SUGCT: variants seen among roughly 807,000 people sequenced by gnomAD.
SUGCT encodes the protein succinyl-CoA:glutarate-CoA transferase.
A neutral mutation model predicts 55.0 loss-of-function variants in SUGCT; 41 were observed. The observed-to-expected ratio is 0.74, with a 90% CI of 0.58 to 0.97. SUGCT has a LOEUF of 0.97. Among genes scored for constraint, SUGCT ranks in the 50% least tolerant of loss-of-function variants. The probability of loss-of-function intolerance (pLI) is 0.00; values close to 1 mark genes in which losing one functional copy is unlikely to be tolerated. For missense variants in SUGCT, 568 were observed against 547.8 expected (o/e 1.04, Z -0.37); for synonymous variants, 187 against 200.4 (o/e 0.93, Z 0.56).
chr7:40,929,656 T>A, the SUGCT span, among the ~76,000 whole-genome samples: 2 of 152,244 alleles, frequency 1.3e-5, no homozygotes, highest in Admixed American at 6.5e-5. Context: ...CTGATTTGCA[T>A]TTCTCTCATG....
chr7:40,474,753 T>A (rs1241184930), intron 11 of SUGCT, among the ~76,000 whole-genome samples: 1 of 152,204 alleles, frequency 6.6e-6, no homozygotes, highest in Non-Finnish European at 1.5e-5. Context: ...ACTGCTCAGC[T>A]TTCAATACTT....
At chr7:40,390,372 A>G (rs1398908940) in intron 9 of SUGCT, among the ~76,000 whole-genome samples, 1 of 152,202 alleles carries the variant, frequency 6.6e-6, no homozygotes, top group East Asian at 1.9e-4. Context: ...ACATGACTGT[A>G]TATTTAGAAA....
Position 40,344,968 on chromosome 7 carries a change from G to C in SUGCT, c.816+28113G>C, listed in dbSNP as rs184581148. ...GCCAAGGATTAGGCACATAGTATTC[G>C]ATTCTCCATAGGTACTTGCTAAATT... On this transcript the variant is annotated intron_variant, in intron 9 of 13. Coordinates refer to ENST00000335693, the MANE Select transcript of SUGCT (RefSeq NM_001193313.2). 2.4e-3 allele frequency among the ~76,000 whole-genome samples: 367 copies of C among 152,280 alleles called. 1 individual carries two copies. Among genetic ancestry groups the C allele is most frequent in the African/African-American group, 8.0e-3 (331 of 41,560 alleles).
the SUGCT span, among the ~76,000 whole-genome samples, chr7:40,875,567 A>G: frequency 2.6e-5 from 4 of 152,226 alleles, no homozygotes; most frequent in Admixed American, 2.6e-4. Flanking sequence ...ACTAGAAATC[A>G]ACCTGAAGTG....
chr7:40,814,301 T>A (rs1791563813), intron 13 of SUGCT, among the ~76,000 whole-genome samples: 1 of 152,122 alleles, frequency 6.6e-6, no homozygotes, highest in South Asian at 2.1e-4. Flanking sequence ...TTTTTCCAGG[T>A]TATTTACTCT....
At chr7:40,173,507 G>T (rs1379440501) in intron 1 of SUGCT, among the ~76,000 whole-genome samples, 1 of 152,192 alleles carries the variant, frequency 6.6e-6, no homozygotes, top group Non-Finnish European at 1.5e-5. Flanking sequence ...AAAGGGGGTT[G>T]CCCACTCCCG....
At chr7:40,728,873 C>T (rs1786743534) in intron 12 of SUGCT, among the ~76,000 whole-genome samples, 1 of 152,148 alleles carries the variant, frequency 6.6e-6, no homozygotes, top group South Asian at 2.1e-4. Flanking sequence ...ATTGCAATAA[C>T]AATAATCTCA....
intron 10 of SUGCT, among the ~76,000 whole-genome samples, chr7:40,450,143 G>T (rs1405333273): frequency 1.3e-5 from 2 of 152,028 alleles, no homozygotes; most frequent in Non-Finnish European, 2.9e-5. Flanking sequence ...GGCCAGGGTG[G>T]TCTCGAACTC....
chr7:40,336,943 G>T (rs1337174531), intron 9 of SUGCT, among the ~76,000 whole-genome samples: 1 of 152,124 alleles, frequency 6.6e-6, no homozygotes, highest in Non-Finnish European at 1.5e-5. Context: ...ATTCTGGTAT[G>T]TTGTGTCTTT....
At chr7:40,464,116 A>G (rs1789966549) in intron 11 of SUGCT, among the ~76,000 whole-genome samples, 1 of 152,204 alleles carries the variant, frequency 6.6e-6, no homozygotes, top group Non-Finnish European at 1.5e-5. Flanking sequence ...AAAACATGAA[A>G]TGAGGATGAA....
the SUGCT span, among the ~76,000 whole-genome samples, chr7:41,014,900 G>A: frequency 6.6e-6 from 1 of 152,164 alleles, no homozygotes; most frequent in Non-Finnish European, 1.5e-5. Flanking sequence ...GGGAAATTGA[G>A]AATGATCAAA....
intron 9 of SUGCT, among the ~76,000 whole-genome samples, chr7:40,351,135 G>A (rs1265919570): frequency 6.6e-6 from 1 of 152,002 alleles, no homozygotes; most frequent in Non-Finnish European, 1.5e-5. Context: ...CTTTATTGCT[G>A]TGTAAGCCTT....
intron 13 of SUGCT, among the ~76,000 whole-genome samples, chr7:40,761,523 G>C (rs1394267152): frequency 2.6e-5 from 4 of 152,146 alleles, no homozygotes; most frequent in African/African-American, 9.7e-5. Flanking sequence ...TGACCCTTTT[G>C]TCAAACAACT....
At chr7:40,639,946 C>T (rs1201716131) in intron 12 of SUGCT, among the ~76,000 whole-genome samples, 1 of 152,104 alleles carries the variant, frequency 6.6e-6, no homozygotes, top group African/African-American at 2.4e-5. Context: ...CTTTCTCTGT[C>T]TCTTGCTTGA....
chr7:40,697,047 G>A (rs965526479), intron 12 of SUGCT, among the ~76,000 whole-genome samples: 2 of 152,010 alleles, frequency 1.3e-5, no homozygotes, highest in African/African-American at 4.8e-5. Flanking sequence ...GCATAGTATG[G>A]TAGTAGCGGA....
chr7:40,496,301 C>G lies in SUGCT; in HGVS notation c.1004C>G (p.Thr335Ser). 1 of 1,612,032 alleles carries G rather than the reference C, an allele frequency of 6.2e-7. No individual in the cohort carries two copies. The highest frequency in any genetic ancestry group is 8.5e-7 in the Non-Finnish European group (1 of 1,178,830). ...ILSERFEEEL[T>S]SKWLYLFEGS... ...CTTCTTAGGTTTGAAGAAGAACTGA[C>G]CAGCAAGTGGTTATATCTTTTTGAA... is the stretch of plus-strand genomic sequence containing the variant. The change falls in exon 12 of 14, where the codon ACC (threonine) becomes AGC (serine). Residue 335 changes from threonine (T) to serine (S), a missense_variant. By Grantham distance (58) the Thr-to-Ser change is moderately conservative. Transcript: ENST00000335693.
chr7:40,918,548 A>C, the SUGCT span, among the ~76,000 whole-genome samples: 2 of 152,040 alleles, frequency 1.3e-5, no homozygotes, highest in Non-Finnish European at 2.9e-5. Context: ...GAGGAAAGTC[A>C]AGTTAGCATG....
At chr7:40,191,924 A>G (rs143105122) in intron 5 of SUGCT, among the ~76,000 whole-genome samples, 3 of 152,064 alleles carry the variant, frequency 2.0e-5, no homozygotes, top group Non-Finnish European at 2.9e-5. Context: ...CCTGGCCAAC[A>G]TGGTGAAACC....
At chr7:40,242,162 CT>C (rs971149081) in intron 7 of SUGCT, among the ~76,000 whole-genome samples, 19 of 147,276 alleles carry the variant, frequency 1.3e-4, no homozygotes, top group African/African-American at 4.1e-4. Flanking sequence ...TTGACAAACT[CT>C]TTTTTTTTCT....
Sources: allele counts gnomAD v4.1 joint callset (sites outside exome capture counted in the v4.1 genomes callset), GRCh38; gene constraint gnomAD v4.1.1; transcripts MANE v1.5; gene names NCBI Gene and HGNC (gene_info 2026-07-23, HGNC 2026-07-21).